Variants in MGAT4C observed in about 807,000 individuals in gnomAD.
MGAT4C encodes the protein alpha-1,3-mannosyl-glycoprotein 4-beta-N-acetylglucosaminyltransferase C.
Under a neutral mutation model 40.1 loss-of-function variants are expected in MGAT4C, and 19 were observed. The ratio of observed to expected loss-of-function variants is 0.47; its 90% CI spans 0.33 to 0.70. MGAT4C has a LOEUF of 0.70. MGAT4C is among the 30% of genes least tolerant of loss of function. The pLI, the probability that MGAT4C is intolerant of heterozygous loss-of-function variation, is 0.02. For missense variants in MGAT4C, 491 were observed against 563.2 expected (o/e 0.87, Z 1.30); for synonymous variants, 181 against 187.1 (o/e 0.97, Z 0.27).
chr12:86,376,673 A>C (rs1955827930), intron 3 of MGAT4C, among the ~76,000 whole-genome samples: 1 of 152,122 alleles, frequency 6.6e-6, no homozygotes, highest in Non-Finnish European at 1.5e-5. Flanking sequence ...TATTTAACAA[A>C]AATCATCATT....
intron 1 of MGAT4C, among the ~76,000 whole-genome samples, chr12:86,178,061 C>T (rs1487566311): frequency 2.0e-5 from 3 of 152,048 alleles, no homozygotes; most frequent in Non-Finnish European, 2.9e-5. Flanking sequence ...CTCAGCCTCC[C>T]GAGTAGCTGG....
chr12:86,191,751 G>GGTGTGT (rs570173863), intron 1 of MGAT4C, among the ~76,000 whole-genome samples: 15,087 of 98,416 alleles, frequency 0.15, 1,382 homozygotes, highest in African/African-American at 0.22. Context: ...AGGAGATAAA[G>GGTGTGT]GTGTGTGTGT....
Position 85,958,447 on chromosome 12 carries a change from ATCT to A in MGAT4C, c.*20839_*20841del, listed in dbSNP as rs1882936084. The stretch of plus-strand genomic sequence containing the variant: ...ATTCATTTAACTTTTCAATGAATCA[ATCT>A]TCTTATTTTCTCAGACATATAAATT... On this transcript the variant is annotated 3_prime_UTR_variant, in exon 5 of 5. Transcript: ENST00000611864. 1 of 152,134 alleles carries A rather than the reference ATCT, an allele frequency of 6.6e-6. No homozygotes were observed. The highest frequency in any genetic ancestry group is 1.5e-5 in the Non-Finnish European group (1 of 68,012). 9.4% of individuals were successfully genotyped at this position (152,134 alleles called of 1,614,324 possible). A position where few individuals can be genotyped will look rare whatever the true frequency, so the allele number is the denominator to read the frequency against.
In MGAT4C at chr12:85,965,809, T is replaced by G. The variant is rs1457615518; in HGVS notation, c.*13480A>C. 2.0e-5 allele frequency: 3 copies of G among 152,096 alleles called. No individual in the cohort carries two copies. Among genetic ancestry groups the G allele is most frequent in the African/African-American group, 4.8e-5 (2 of 41,410 alleles). The allele number at this position is 152,096 out of a possible 1,614,324, so 9.4% of individuals were successfully genotyped here. ...CAATTCTGTCCAAGTCTCTGAGTCATGTACAGAACTCAAATTATTACATCA... is the reference window on the plus strand; with the variant it reads ...CAATTCTGTCCAAGTCTCTGAGTCAGGTACAGAACTCAAATTATTACATCA... On this transcript the variant is annotated 3_prime_UTR_variant, in exon 5 of 5. Transcript: ENST00000611864.
At chr12:86,760,534 A>G (rs1951385820) in intron 1 of MGAT4C, among the ~76,000 whole-genome samples, 1 of 152,048 alleles carries the variant, frequency 6.6e-6, no homozygotes, top group Admixed American at 6.6e-5. Flanking sequence ...AAACAACCTA[A>G]GAAAAGAACA....
rs151135895 is a variant in MGAT4C, at chr12:86,214,074, T to A, written c.-57+42165A>T. Among the ~76,000 whole-genome samples the A allele has an allele frequency of 1.2e-3, 188 of 152,348 alleles. 1 individual carries two copies. Among genetic ancestry groups the A allele is most frequent in the African/African-American group, 4.3e-3 (177 of 41,578 alleles). On this transcript the variant is annotated intron_variant, in intron 1 of 4. Transcript: ENST00000611864. ...CTATGGACTCCCAGGCTCTATATCA[T>A]CTTTTCTTGAGTCCAATTCTGTGAT...
At chr12:86,782,213 G>T (rs890463514) in intron 1 of MGAT4C, among the ~76,000 whole-genome samples, 1 of 106,426 alleles carries the variant, frequency 9.4e-6, no homozygotes, top group African/African-American at 3.6e-5. Flanking sequence ...ACGGAGTCTC[G>T]CTCTGTCGCC....
intron 1 of MGAT4C, among the ~76,000 whole-genome samples, chr12:86,102,181 A>G (rs751229879): frequency 3.9e-5 from 6 of 151,962 alleles, no homozygotes; most frequent in Non-Finnish European, 7.4e-5. Context: ...TAACTAAAAT[A>G]TAGGATATCA....
chr12:86,214,660 A>G (rs1340556277), intron 1 of MGAT4C, among the ~76,000 whole-genome samples: 2 of 152,158 alleles, frequency 1.3e-5, no homozygotes, highest in African/African-American at 4.8e-5. Flanking sequence ...TCTTCCTATG[A>G]GCACACTAAT....
intron 4 of MGAT4C, among the ~76,000 whole-genome samples, chr12:86,277,447 C>A (rs1022151880): frequency 1.3e-5 from 2 of 152,126 alleles, no homozygotes; most frequent in African/African-American, 4.8e-5. Context: ...GCTTGTGGGG[C>A]ATTACTCAAG....
At chr12:86,832,727 T>C (rs1228590887) in intron 1 of MGAT4C, among the ~76,000 whole-genome samples, 7 of 151,844 alleles carry the variant, frequency 4.6e-5, no homozygotes, top group Admixed American at 1.3e-4. Context: ...GGGACAAAGA[T>C]TCTGACCCAA....
chr12:86,397,622 C>A (rs1956284835), intron 3 of MGAT4C, among the ~76,000 whole-genome samples: 1 of 152,000 alleles, frequency 6.6e-6, no homozygotes. Context: ...ATTAGCTCCT[C>A]ATTAAATATT....
chr12:86,492,255 C>T (rs1484958547), intron 2 of MGAT4C, among the ~76,000 whole-genome samples: 1 of 152,192 alleles, frequency 6.6e-6, no homozygotes, highest in African/African-American at 2.4e-5. Context: ...TCATCCCCAT[C>T]AAGCTACCAA....
chr12:86,615,840 T>C (rs1413663595), intron 2 of MGAT4C, among the ~76,000 whole-genome samples: 1 of 152,026 alleles, frequency 6.6e-6, no homozygotes, highest in African/African-American at 2.4e-5. Flanking sequence ...TAATCAAAAC[T>C]AGAATAGATC....
intron 4 of MGAT4C, among the ~76,000 whole-genome samples, chr12:86,285,557 A>C (rs1183369957): frequency 6.6e-6 from 1 of 152,086 alleles, no homozygotes; most frequent in Non-Finnish European, 1.5e-5. Context: ...GTTAGAAAAC[A>C]ATAATTACTG....
At position 85,968,197 on chromosome 12, in the gene MGAT4C, T is replaced by C. The variant is rs1178329291; in HGVS notation, c.*11092A>G. The C allele has an allele frequency of 6.6e-6, 1 of 152,110 alleles. No homozygotes were observed. Among genetic ancestry groups the C allele is most frequent in the Non-Finnish European group, 1.5e-5 (1 of 67,966 alleles). The allele number at this position is 152,110 out of a possible 1,614,324, so 9.4% of individuals were successfully genotyped here. ...GTCCACTGTGGAAAACTGATAGTTT[T>C]TCTCCTTCTTTCTTGAATATGTTTA... is the stretch of plus-strand genomic sequence containing the variant. On this transcript the variant is annotated 3_prime_UTR_variant, in exon 5 of 5. Coordinates refer to ENST00000611864, the MANE Select transcript of MGAT4C (RefSeq NM_001351288.2).
At chr12:86,099,814 T>C (rs894590080) in intron 1 of MGAT4C, among the ~76,000 whole-genome samples, 2 of 151,584 alleles carry the variant, frequency 1.3e-5, no homozygotes, top group African/African-American at 4.8e-5. Context: ...GCATGAAACA[T>C]GGCCAATTTT....
intron 1 of MGAT4C, among the ~76,000 whole-genome samples, chr12:86,759,640 T>C (rs752365129): frequency 6.6e-6 from 1 of 152,158 alleles, no homozygotes; most frequent in Non-Finnish European, 1.5e-5. Flanking sequence ...ATTAGTGATG[T>C]TGAGCATGTT....
At chr12:86,335,391 A>T (rs1014033068) in intron 3 of MGAT4C, among the ~76,000 whole-genome samples, 26 of 152,174 alleles carry the variant, frequency 1.7e-4, no homozygotes, top group African/African-American at 6.0e-4. Context: ...GTAAACATAA[A>T]GAAAAATAAT....
Sources: gnomAD v4.1 joint callset for allele counts (sites outside exome capture counted in the v4.1 genomes callset) on GRCh38, gnomAD v4.1.1 for gene constraint, MANE v1.5 for transcripts, NCBI Gene and HGNC (gene_info 2026-07-23, HGNC 2026-07-21) for gene names.